The following YY1AP1 variants were observed in gnomAD, a reference collection of about 807,000 sequenced individuals.
YY1AP1 encodes YY1-associated protein 1.
In YY1AP1, 43 loss-of-function variants were observed where a neutral mutation model predicts 39.9. The observed-to-expected ratio is 1.08, with a 90% confidence interval of 0.84 to 1.39. YY1AP1 has a LOEUF of 1.39. Ranked by LOEUF, YY1AP1 falls within the 40% of genes most tolerant of loss-of-function variation. The pLI is 0.00. For synonymous variants in YY1AP1, 292 were observed against 331.3 expected (o/e 0.88, Z 1.29); for missense variants, 813 against 900.7 (o/e 0.90, Z 1.25).
At chr1:155,682,631 G>A (rs1651684955) in intron 2 of YY1AP1, among the ~76,000 whole-genome samples, 1 of 151,900 alleles carries the variant, frequency 6.6e-6, no homozygotes, top group Non-Finnish European at 1.5e-5. Context: ...AAAGTGCAGG[G>A]ATTACAGGCA....
intron 9 of YY1AP1, among the ~76,000 whole-genome samples, chr1:155,667,091 T>C (rs766996158): frequency 1.2e-4 from 18 of 151,936 alleles, no homozygotes; most frequent in African/African-American, 2.7e-4. Context: ...GAGGCTGACG[T>C]TGGAAGAATG....
rs758593196 is a variant in YY1AP1 at position 155,659,735 on chromosome 1, G to A, written c.2175C>T (p.Asn725=). 1.9e-6 allele frequency: 3 copies of A among 1,614,218 alleles called. No individual in the cohort carries two copies. The highest frequency in any genetic ancestry group is 2.5e-6 in the Non-Finnish European group (3 of 1,180,046). Residue 725 remains asparagine, a synonymous_variant, in exon 11 of 11, where the codon AAC becomes AAT. Coordinates refer to ENST00000355499, the MANE Select transcript of YY1AP1 (RefSeq NM_139119.3). ...CTTCCTCTAAATCCCCAGGGGAAGA[G>A]TTGTTTAGAGACTCCTGGATGCCCT... is the stretch of plus-strand genomic sequence containing the variant. ...LPQGIQESLN[N]SSPGDLEEVV...
chr1:155,676,568 G>T lies in YY1AP1; in HGVS notation c.304C>A (p.Leu102Ile). The change falls in exon 5 of 11, where the codon CTC (leucine) becomes ATC (isoleucine). Residue 102 changes from leucine (L) to isoleucine (I), a missense_variant. Leu to Ile is a conservative substitution (Grantham distance 5, BLOSUM62 2). Coordinates refer to ENST00000355499, the MANE Select transcript of YY1AP1 (RefSeq NM_139119.3). ...LILDPAQRKR[L>I]QQQMQQHVQL... ...GTTACCTGCTGCATCTGCTGCTGGA[G>T]TCTCTTCCTTTGTGCTGGGTCCAGA... 6.2e-7 allele frequency: 1 copy of T among 1,614,174 alleles called. No homozygotes were observed. Among genetic ancestry groups the T allele is most frequent in the East Asian group, 2.2e-5 (1 of 44,880 alleles).
chr1:155,682,149 T>C (rs1558316243), intron 2 of YY1AP1, among the ~76,000 whole-genome samples: 1 of 152,240 alleles, frequency 6.6e-6, no homozygotes, highest in Non-Finnish European at 1.5e-5. Flanking sequence ...ATCTTTGTTC[T>C]GAGTTCTGAC....
chr1:155,684,808 T>G (rs1651998656), intron 2 of YY1AP1, among the ~76,000 whole-genome samples: 1 of 152,104 alleles, frequency 6.6e-6, no homozygotes, highest in Non-Finnish European at 1.5e-5. Flanking sequence ...CTGGTCTCGA[T>G]CTTCTGAGCT....
chr1:155,678,148 G>A (rs974010604), intron 4 of YY1AP1, among the ~76,000 whole-genome samples: 7 of 152,148 alleles, frequency 4.6e-5, no homozygotes, highest in African/African-American at 1.7e-4. Flanking sequence ...ACTTACCATT[G>A]TGTTACAACT....
chr1:155,680,521 G>T, intron 2 of YY1AP1, 65 bp from the exon 3 acceptor site: 2 of 1,343,068 alleles, frequency 1.5e-6, no homozygotes, highest in Non-Finnish European at 2.1e-6. Flanking sequence ...GGAATTCCAT[G>T]TAGACAATGT....
chr1:155,687,141 C>G (rs1040319824), intron 2 of YY1AP1, among the ~76,000 whole-genome samples: 2 of 152,166 alleles, frequency 1.3e-5, no homozygotes, highest in Non-Finnish European at 2.9e-5. Flanking sequence ...TAAACTATTA[C>G]TATAAACCCG....
rs758905645 is a variant in YY1AP1, at chr1:155,660,206, G to A, written c.1704C>T (p.Gly568=). Reference sequence around the variant, plus strand: ...CAGGCTGGATCATGTTACAGCCACCGCCAAGGCTCACAATCTTCACAGTGG... The same window carrying A: ...CAGGCTGGATCATGTTACAGCCACCACCAAGGCTCACAATCTTCACAGTGG... The part of the protein sequence containing the change: ...PATTVKIVSL[G]GGCNMIQPVN... The change falls in exon 11 of 11, where the codon GGC becomes GGT. Residue 568 remains glycine, a synonymous_variant. Coordinates refer to ENST00000355499, the MANE Select transcript of YY1AP1 (RefSeq NM_139119.3). 11 of 1,614,198 alleles carry A rather than the reference G, an allele frequency of 6.8e-6. No homozygotes were observed. The East Asian group carries it at 1.1e-4, about 16-fold the overall frequency.
chr1:155,668,237 G>C (rs931171274), intron 9 of YY1AP1, among the ~76,000 whole-genome samples: 2 of 152,086 alleles, frequency 1.3e-5, no homozygotes, highest in African/African-American at 4.8e-5. Context: ...GGAGGCGGAA[G>C]CTGCAGTGAG....
At position 155,679,411 on chromosome 1, in the gene YY1AP1, T is replaced by C. The variant is rs1363634658; in HGVS notation, c.123A>G (p.Leu41=). 6 of 1,614,168 alleles carry C rather than the reference T, an allele frequency of 3.7e-6. No individual in the cohort carries two copies. Among genetic ancestry groups the C allele is most frequent in the Admixed American group, 3.3e-5 (2 of 60,022 alleles). Residue 41 remains leucine (L), a splice_region_variant and synonymous_variant, in exon 4 of 11, where the codon CTA becomes CTG. Transcript: ENST00000355499. ...CTCAAGGTCTTCAACTAGCCTACCG[T>C]AGAGCTTGAGGGGTGTTAAAGTTAG... ...PQANFNTPQA[L]RFEELLANLL... is the part of the protein sequence containing the mutation.
rs1249749200 is a variant in YY1AP1 at position 155,678,483 on chromosome 1, G to A, written c.125+926C>T. On this transcript the variant is annotated intron_variant, in intron 4 of 10. Coordinates refer to ENST00000355499, the MANE Select transcript of YY1AP1 (RefSeq NM_139119.3). Reference sequence around the variant, plus strand: ...ATCAGATCCTATTATACGTTCCCAGGATGAATGGTTCCATTCTGCTATACC... The same window carrying A: ...ATCAGATCCTATTATACGTTCCCAGAATGAATGGTTCCATTCTGCTATACC... Among the ~76,000 whole-genome samples, 3 of 152,132 alleles carry A rather than the reference G, an allele frequency of 2.0e-5. No individual in the cohort carries two copies. In the East Asian group the frequency reaches 5.8e-4, roughly 29 times the overall value.
At chr1:155,663,704 G>A (rs1304387273) in intron 9 of YY1AP1, among the ~76,000 whole-genome samples, 1 of 152,144 alleles carries the variant, frequency 6.6e-6, no homozygotes, top group Non-Finnish European at 1.5e-5. Context: ...GGGCAATGGA[G>A]CGAGACTCTG....
At chr1:155,668,894 C>A in intron 8 of YY1AP1, 117 bp from the exon 9 acceptor site, 1 of 1,473,064 alleles carries the variant, frequency 6.8e-7, no homozygotes, top group Non-Finnish European at 9.3e-7. Context: ...AACAAGGTCT[C>A]ACTCTGTCAC....
In YY1AP1 at chr1:155,660,853, C is replaced by A. The variant is rs1199647110; in HGVS notation, c.1057G>T (p.Gly353Ter). 6.2e-7 allele frequency: 1 copy of A among 1,614,136 alleles called. No individual in the cohort carries two copies. Among genetic ancestry groups the A allele is most frequent in the Admixed American group, 1.7e-5 (1 of 60,022 alleles). ...RHMADGAREV[G>*]NMTGTTEINS... ...ATCTCAGTGGTTCCAGTCATATTTC[C>A]TACCTCTCTAGCACCATCAGCCATG... Residue 353 changes from glycine (G) to a stop codon, truncating the protein, a stop_gained, in exon 11 of 11, where the codon GGA becomes TGA. Coordinates refer to ENST00000355499, the MANE Select transcript of YY1AP1 (RefSeq NM_139119.3). LOFTEE classifies it low-confidence loss of function (END_TRUNC).
chr1:155,674,926 A>G, intron 6 of YY1AP1, 84 bp downstream of exon 6: 1 of 1,258,414 alleles, frequency 7.9e-7, no homozygotes, highest in Non-Finnish European at 1.1e-6. Context: ...AATCAAAAAT[A>G]CCTGAGAGAA....
chr1:155,673,135 C>T (rs1181282579), intron 6 of YY1AP1, among the ~76,000 whole-genome samples: 2 of 152,154 alleles, frequency 1.3e-5, no homozygotes, highest in Non-Finnish European at 2.9e-5. Flanking sequence ...CCTCCCACTG[C>T]CTCCTGAGAA....
Position 155,675,062 on chromosome 1 carries a change from G to T in YY1AP1, c.359C>A (p.Ala120Asp). Residue 120 changes from alanine to aspartate, a missense_variant, in exon 6 of 11, where the codon GCC becomes GAC. Physicochemically the swap from Ala to Asp is moderately radical, Grantham distance 126. Coordinates refer to ENST00000355499, the MANE Select transcript of YY1AP1 (RefSeq NM_139119.3). The part of the protein sequence containing the change: ...VQLLTQIHLL[A>D]TCNPNLNPEA... The stretch of plus-strand genomic sequence containing the variant: ...CGGATTGAGATTGGGGTTGCAGGTG[G>T]CAAGAAGGTGGATTTGTGTCAAGAG... 6.2e-7 allele frequency: 1 copy of T among 1,613,808 alleles called. No homozygotes were observed. The highest frequency in any genetic ancestry group is 1.7e-5 in the Admixed American group (1 of 60,018).
Position 155,659,826 on chromosome 1 carries a change from T to A in YY1AP1, c.2084A>T (p.Asn695Ile), listed in dbSNP as rs1647753451. The stretch of plus-strand genomic sequence containing the variant: ...CACAACGGTCCAGCGATAGGCACTG[T>A]TCTCTGACAATCCTTCTTGGCACTG... ...DKQCQEGLSENSAYRWTVVKT... is the reference protein window; with the variant it reads ...DKQCQEGLSEISAYRWTVVKT... Residue 695 changes from asparagine to isoleucine, a missense_variant, in exon 11 of 11, where the codon AAC becomes ATC. Asn to Ile is a moderately radical substitution (Grantham distance 149). Coordinates refer to ENST00000355499, the MANE Select transcript of YY1AP1 (RefSeq NM_139119.3). 1 of 1,614,134 alleles carries A rather than the reference T, an allele frequency of 6.2e-7. No homozygotes were observed. The highest frequency in any genetic ancestry group is 1.1e-5 in the South Asian group (1 of 91,088).
Sources: gnomAD v4.1 joint callset for allele counts (sites outside exome capture counted in the v4.1 genomes callset) on GRCh38, gnomAD v4.1.1 for gene constraint, MANE v1.5 for transcripts, NCBI Gene and HGNC (gene_info 2026-07-23, HGNC 2026-07-21) for gene names.